The following CSMD3 variants were observed in gnomAD, a reference collection of about 807,000 sequenced individuals.
CSMD3 encodes the protein CUB and sushi domain-containing protein 3.
In CSMD3, 177 loss-of-function variants were observed where a neutral mutation model predicts 435.2. That is an observed-to-expected ratio of 0.41 (90% CI 0.36 to 0.46). CSMD3 has a LOEUF of 0.46. Among genes scored for constraint, CSMD3 ranks in the 20% least tolerant of loss-of-function variants. The pLI is 0.34. For missense variants in CSMD3, 4,265 were observed against 4,504.6 expected (o/e 0.95, Z 1.52); for synonymous variants, 1,656 against 1,520.5 (o/e 1.09, Z -2.07).
intron 6 of CSMD3, among the ~76,000 whole-genome samples, chr8:113,016,987 A>C (rs769454081): frequency 1.3e-5 from 2 of 152,028 alleles, no homozygotes; most frequent in Non-Finnish European, 2.9e-5. Context: ...AAATTAGGAA[A>C]GTTTTAAAAG....
intron 15 of CSMD3, among the ~76,000 whole-genome samples, chr8:112,685,124 G>C (rs1212216243): frequency 6.6e-6 from 1 of 152,020 alleles, no homozygotes; most frequent in Non-Finnish European, 1.5e-5. Flanking sequence ...AAATATGTTG[G>C]CTGATATAAC....
At chr8:113,212,483 C>G (rs926156736) in intron 3 of CSMD3, among the ~76,000 whole-genome samples, 5 of 152,128 alleles carry the variant, frequency 3.3e-5, no homozygotes, top group Admixed American at 2.0e-4. Context: ...TGGATACATA[C>G]TGAACTACAG....
At chr8:112,397,452 T>C (rs1288487337) in intron 35 of CSMD3, among the ~76,000 whole-genome samples, 2 of 152,208 alleles carry the variant, frequency 1.3e-5, no homozygotes, top group Non-Finnish European at 2.9e-5. Flanking sequence ...TATCTCTGGA[T>C]ATGCACTTTT....
intron 35 of CSMD3, among the ~76,000 whole-genome samples, chr8:112,405,246 T>TATATATACACACAC (rs1199452249): frequency 7.4e-4 from 60 of 81,512 alleles, no homozygotes; most frequent in African/African-American, 3.1e-3. Context: ...TATATATATA[T>TATATATACACACAC]ACATATATAT....
At chr8:113,037,859 T>C (rs2087428221) in intron 5 of CSMD3, among the ~76,000 whole-genome samples, 1 of 152,228 alleles carries the variant, frequency 6.6e-6, no homozygotes, top group South Asian at 2.1e-4. Flanking sequence ...GTAAGCACAT[T>C]CAGGAATAAT....
At chr8:112,945,948 T>C (rs1187418317) in intron 9 of CSMD3, among the ~76,000 whole-genome samples, 6 of 151,776 alleles carry the variant, frequency 4.0e-5, no homozygotes, top group Non-Finnish European at 8.8e-5. Context: ...GGTACCCACC[T>C]TGAGACATGT....
intron 6 of CSMD3, among the ~76,000 whole-genome samples, chr8:113,001,621 G>GT (rs1317033885): frequency 1.3e-5 from 2 of 151,898 alleles, no homozygotes; most frequent in Non-Finnish European, 2.9e-5. Context: ...GTTTTCAAAT[G>GT]TAAGATTCCT....
At chr8:112,296,549 C>CA (rs968241561) in intron 53 of CSMD3, among the ~76,000 whole-genome samples, 2,230 of 120,598 alleles carry the variant, frequency 0.018, 38 homozygotes, top group African/African-American at 0.055. Context: ...GACTCCACCT[C>CA]AAAAAAAAAA....
At chr8:113,264,596 A>T (rs1055688917) in intron 3 of CSMD3, among the ~76,000 whole-genome samples, 2 of 151,480 alleles carry the variant, frequency 1.3e-5, no homozygotes, top group African/African-American at 2.4e-5. Flanking sequence ...TTTTTGTGCT[A>T]CATAAGCAAT....
At chr8:112,262,834 G>A (rs976515901) in intron 61 of CSMD3, among the ~76,000 whole-genome samples, 1 of 152,046 alleles carries the variant, frequency 6.6e-6, no homozygotes, top group African/African-American at 2.4e-5. Context: ...GAGCATGTAG[G>A]GGATTTAGTT....
chr8:113,044,580 C>A (rs2087753673), intron 5 of CSMD3, among the ~76,000 whole-genome samples: 2 of 148,834 alleles, frequency 1.3e-5, no homozygotes, highest in South Asian at 4.2e-4. Context: ...TAGTCATTTC[C>A]TTAAAATTTA....
intron 2 of CSMD3, 35 bp downstream of exon 2, chr8:113,314,536 T>C (rs2132668575): frequency 8.0e-7 from 1 of 1,257,096 alleles, no homozygotes; most frequent in Non-Finnish European, 1.2e-6. Context: ...CCAGGAAATA[T>C]TTTCTCTCCA....
chr8:112,267,057 A>G (rs1817020586), intron 59 of CSMD3, among the ~76,000 whole-genome samples: 1 of 151,766 alleles, frequency 6.6e-6, no homozygotes, highest in Non-Finnish European at 1.5e-5. Flanking sequence ...CACTTTTCCC[A>G]ATATTTTGGA....
At chr8:112,670,409 C>T (rs996557876) in intron 16 of CSMD3, among the ~76,000 whole-genome samples, 5 of 152,050 alleles carry the variant, frequency 3.3e-5, no homozygotes, top group South Asian at 2.1e-4. Flanking sequence ...TACACACACA[C>T]GTATATAGAC....
intron 7 of CSMD3, among the ~76,000 whole-genome samples, chr8:112,963,280 A>G (rs767396952): frequency 3.3e-5 from 5 of 152,002 alleles, no homozygotes; most frequent in Non-Finnish European, 5.9e-5. Context: ...AGGTTACAGC[A>G]TGGTTCCTTA....
At chr8:112,389,163 A>G (rs1830203910) in intron 36 of CSMD3, among the ~76,000 whole-genome samples, 1 of 152,204 alleles carries the variant, frequency 6.6e-6, no homozygotes, top group Non-Finnish European at 1.5e-5. Flanking sequence ...TGCTGAAGCC[A>G]CATTGCAGTG....
intron 10 of CSMD3, among the ~76,000 whole-genome samples, chr8:112,882,064 A>C (rs1041369336): frequency 2.6e-5 from 4 of 151,902 alleles, no homozygotes; most frequent in Non-Finnish European, 5.9e-5. Flanking sequence ...ATCTAAGAAA[A>C]AATTCTGAAA....
intron 22 of CSMD3, among the ~76,000 whole-genome samples, chr8:112,609,673 G>A (rs1271696752): frequency 2.0e-5 from 3 of 152,038 alleles, no homozygotes; most frequent in South Asian, 2.1e-4. Context: ...GTATATAACC[G>A]AAGGACATAA....
At chr8:113,258,297 C>A (rs920334320) in intron 3 of CSMD3, among the ~76,000 whole-genome samples, 1 of 152,130 alleles carries the variant, frequency 6.6e-6, no homozygotes, top group Admixed American at 6.6e-5. Context: ...GTATTTTCAT[C>A]TTTATAAAAA....
Sources: gnomAD v4.1 joint callset for allele counts (sites outside exome capture counted in the v4.1 genomes callset) on GRCh38, gnomAD v4.1.1 for gene constraint, MANE v1.5 for transcripts, NCBI Gene and HGNC (gene_info 2026-07-23, HGNC 2026-07-21) for gene names.